Variants in HERC2 observed in about 807,000 individuals in gnomAD.
HERC2 encodes E3 ubiquitin-protein ligase HERC2.
Under a neutral mutation model 537.7 loss-of-function variants are expected in HERC2, and 102 were observed. The ratio of observed to expected loss-of-function variants is 0.19; its 90% CI spans 0.16 to 0.22. The LOEUF is 0.22. Among genes scored for constraint, HERC2 ranks in the 10% least tolerant of loss-of-function variants. HERC2 has a pLI of 1.00. For synonymous variants in HERC2, 2,224 were observed against 2,466.2 expected (o/e 0.90, Z 2.91); for missense variants, 4,236 against 6,198.2 (o/e 0.68, Z 10.63).
rs546367158 is a variant in HERC2 at position 28,269,700 on chromosome 15, A to G, written c.1258-264T>C. Among the ~76,000 whole-genome samples the G allele has an allele frequency of 2.0e-5, 3 of 152,326 alleles. No homozygotes were observed. The East Asian group carries it at 5.8e-4, about 29-fold the overall frequency. On this transcript the variant is annotated intron_variant, in intron 10 of 92. Transcript: ENST00000261609. ...GTACTATAAATGGCCCTTAAATACT[A>G]ATATATTTTTAAATGCTCAAACTAT...
chr15:28,284,025 C>T (rs1046678042), intron 4 of HERC2, among the ~76,000 whole-genome samples: 3 of 152,166 alleles, frequency 2.0e-5, no homozygotes, highest in African/African-American at 7.2e-5. Flanking sequence ...AACTTATACA[C>T]AGAGCCTGAA....
chr15:28,262,468 C>T (rs1014282948), intron 15 of HERC2, among the ~76,000 whole-genome samples: 1 of 152,174 alleles, frequency 6.6e-6, no homozygotes, highest in African/African-American at 2.4e-5. Context: ...ACTGAGCAAG[C>T]AGGAATCACC....
At chr15:28,208,406 T>C (rs557171931) in intron 44 of HERC2, among the ~76,000 whole-genome samples, 1 of 152,124 alleles carries the variant, frequency 6.6e-6, no homozygotes, top group East Asian at 1.9e-4. Context: ...CACCAGAACC[T>C]TCTTTCCCTT....
intron 23 of HERC2, among the ~76,000 whole-genome samples, chr15:28,245,586 CACACACACACA>C (rs1903605975): frequency 6.7e-6 from 1 of 149,684 alleles, no homozygotes; most frequent in South Asian, 2.1e-4. Context: ...CACACACACA[CACACACACACA>C]CACACACAGA....
chr15:28,123,811 TCTTA>T (rs752492708), intron 85 of HERC2, among the ~76,000 whole-genome samples: 31 of 152,214 alleles, frequency 2.0e-4, no homozygotes, highest in Non-Finnish European at 3.5e-4. Context: ...AGATGCAGCA[TCTTA>T]CTGTTTGCTT....
At chr15:28,197,422 CAT>C (rs1897451175) in intron 50 of HERC2, among the ~76,000 whole-genome samples, 1 of 152,182 alleles carries the variant, frequency 6.6e-6, no homozygotes, top group Non-Finnish European at 1.5e-5. Context: ...ATCATTAGCA[CAT>C]TTCCATTTCT....
At chr15:28,239,122 C>T (rs1902774661) in intron 23 of HERC2, among the ~76,000 whole-genome samples, 1 of 151,996 alleles carries the variant, frequency 6.6e-6, no homozygotes, top group Admixed American at 6.6e-5. Context: ...AAAATTCATC[C>T]ACATATTTGA....
intron 5 of HERC2, among the ~76,000 whole-genome samples, chr15:28,277,165 C>T (rs2075896031): frequency 6.6e-6 from 1 of 152,062 alleles, no homozygotes; most frequent in Non-Finnish European, 1.5e-5. Flanking sequence ...TGAGTGGTTG[C>T]CAGCAGTTAA....
At chr15:28,281,774 C>A (rs1034301854) in intron 4 of HERC2, among the ~76,000 whole-genome samples, 1 of 152,226 alleles carries the variant, frequency 6.6e-6, no homozygotes, top group African/African-American at 2.4e-5. Flanking sequence ...AGCAGTGCCC[C>A]TGCCCTTCTC....
At chr15:28,244,650 G>GC (rs758941971) in intron 23 of HERC2, among the ~76,000 whole-genome samples, 5 of 152,156 alleles carry the variant, frequency 3.3e-5, no homozygotes, top group Non-Finnish European at 7.3e-5. Flanking sequence ...TCAAATGAAT[G>GC]CCCCTCAACA....
At chr15:28,267,247 T>C (rs1164924534) in intron 12 of HERC2, among the ~76,000 whole-genome samples, 1 of 152,158 alleles carries the variant, frequency 6.6e-6, no homozygotes, top group African/African-American at 2.4e-5. Context: ...GTACAAACTA[T>C]CCCTTATTCA....
At chr15:28,255,748 T>A in intron 19 of HERC2, 124 bp downstream of exon 19, 1 of 1,073,620 alleles carries the variant, frequency 9.3e-7, no homozygotes, top group Non-Finnish European at 1.3e-6. Flanking sequence ...AATTTTAATT[T>A]AAAAAATACT....
At chr15:28,301,027 T>C (rs76704029) in intron 2 of HERC2, among the ~76,000 whole-genome samples, 14,870 of 151,566 alleles carry the variant, frequency 0.098, 1,112 homozygotes, top group East Asian at 0.29. Context: ...CAGAACCATT[T>C]CCCAATAAAA....
intron 10 of HERC2, 75 bp downstream of exon 10, chr15:28,270,620 C>T (rs1055259293): frequency 3.2e-5 from 46 of 1,441,858 alleles, no homozygotes; most frequent in African/African-American, 7.1e-5. Flanking sequence ...CAAGTCTCCA[C>T]ACGGGCCCAG....
At chr15:28,190,339 T>C (rs1896741522) in intron 55 of HERC2, 1 of 152,180 alleles carries the variant, frequency 6.6e-6, no homozygotes, top group Non-Finnish European at 1.5e-5. Context: ...TCTTAATTTG[T>C]CTTATTTTAC....
rs756302086 is a variant in HERC2 at position 28,230,495 on chromosome 15, T to C, written c.4681A>G (p.Lys1561Glu). 19 of 1,209,270 alleles carry C rather than the reference T, an allele frequency of 1.6e-5. No homozygotes were observed. The East Asian group carries it at 4.2e-4, about 27-fold the overall frequency. 74.9% of individuals were successfully genotyped at this position (1,209,270 alleles called of 1,614,324 possible). Residue 1561 changes from lysine (K) to glutamate (E), a missense_variant, in exon 31 of 93, where the codon AAG becomes GAG. Lys to Glu is a moderately conservative substitution (Grantham distance 56, BLOSUM62 1). This residue lies in a region of HERC2 where 343 missense variants were observed against 417.2 expected (regional missense o/e 0.82). Transcript: ENST00000261609. ...IRERRKKRVP[K>E]KPESTDDEEK... is the part of the protein sequence containing the mutation. ...TCATCATCCGTAGATTCTGGCTTCT[T>C]AGGAACTGTGTTTTAAAACATCATT...
chr15:28,297,007 C>T (rs2640404), intron 3 of HERC2, among the ~76,000 whole-genome samples: 3 of 151,708 alleles, frequency 2.0e-5, no homozygotes, highest in Admixed American at 6.6e-5. Flanking sequence ...TGCTTGCGGG[C>T]ATACGCACGA....
intron 44 of HERC2, among the ~76,000 whole-genome samples, chr15:28,209,367 A>G (rs1003835726): frequency 6.6e-6 from 1 of 152,098 alleles, no homozygotes; most frequent in Non-Finnish European, 1.5e-5. Flanking sequence ...TTTTTGAGAC[A>G]GAGTCTCGCT....
At chr15:28,241,575 A>T (rs1420802427) in intron 23 of HERC2, among the ~76,000 whole-genome samples, 2 of 152,174 alleles carry the variant, frequency 1.3e-5, no homozygotes, top group Non-Finnish European at 2.9e-5. Flanking sequence ...TAATCCCATC[A>T]CTTTGGGAGG....
Sources: allele counts gnomAD v4.1 joint callset (sites outside exome capture counted in the v4.1 genomes callset), GRCh38; gene constraint gnomAD v4.1.1; regional missense constraint gnomAD v4.1.1; transcripts MANE v1.5; gene names NCBI Gene and HGNC (gene_info 2026-07-23, HGNC 2026-07-21).